CBFA2T2: variants seen among roughly 807,000 people sequenced by gnomAD.
The protein encoded by CBFA2T2 is protein CBFA2T2.
Under a neutral mutation model 62.2 loss-of-function variants are expected in CBFA2T2, and 11 were observed. That is an observed-to-expected ratio of 0.18 (90% CI 0.11 to 0.29). CBFA2T2 has a LOEUF of 0.29. Ranked by LOEUF, CBFA2T2 falls within the 10% of genes least tolerant of loss-of-function variation. CBFA2T2 has a pLI of 1.00. For synonymous variants in CBFA2T2, 295 were observed against 287.5 expected (o/e 1.03, Z -0.27); for missense variants, 592 against 774.1 (o/e 0.76, Z 2.79).
In CBFA2T2 at chr20:33,644,794, A is replaced by C. The variant is rs1601130101; in HGVS notation, c.*148A>C. 1 of 783,916 alleles carries C rather than the reference A, an allele frequency of 1.3e-6. No homozygotes were observed. The allele number at this position is 783,916 out of a possible 1,614,324, so 48.6% of individuals were successfully genotyped here. A position where few individuals can be genotyped will look rare whatever the true frequency, so the allele number is the denominator to read the frequency against. ...GAAGAGTCCAAGCCTGAATAATAAC[A>C]CCCCACAGCCTCTCTGTGCACTTGC... is the stretch of plus-strand genomic sequence containing the variant. On this transcript the variant is annotated 3_prime_UTR_variant, in exon 11 of 11. Coordinates refer to ENST00000342704, the MANE Select transcript of CBFA2T2 (RefSeq NM_001032999.3).
chr20:33,622,977 A>C, intron 4 of CBFA2T2, 138 bp from the exon 5 acceptor site: 1 of 728,846 alleles, frequency 1.4e-6, no homozygotes, highest in Non-Finnish European at 2.3e-6. Flanking sequence ...ATTGACTCAC[A>C]GAAGAAGCAT....
chr20:33,557,618 C>G (rs1392888511), intron 1 of CBFA2T2, among the ~76,000 whole-genome samples: 1 of 151,822 alleles, frequency 6.6e-6, no homozygotes, highest in African/African-American at 2.4e-5. Flanking sequence ...GCAATACTCC[C>G]ACCTCAGCCT....
intron 1 of CBFA2T2, among the ~76,000 whole-genome samples, chr20:33,541,777 T>C (rs770515230): frequency 2.0e-4 from 30 of 152,226 alleles, no homozygotes; most frequent in Non-Finnish European, 3.7e-4. Context: ...TTTTGGTACT[T>C]TTTACTTGTT....
chr20:33,566,467 G>C (rs1239862690), intron 1 of CBFA2T2, among the ~76,000 whole-genome samples: 1 of 152,004 alleles, frequency 6.6e-6, no homozygotes, highest in African/African-American at 2.4e-5. Context: ...TTAGCCGGGC[G>C]TGGTGACATG....
intron 1 of CBFA2T2, among the ~76,000 whole-genome samples, chr20:33,596,658 C>T (rs930528746): frequency 3.9e-5 from 6 of 152,160 alleles, no homozygotes; most frequent in Admixed American, 3.9e-4. Flanking sequence ...CTCAGGCTTT[C>T]CGTAGAATCT....
At chr20:33,579,652 C>G (rs1245276343) in intron 1 of CBFA2T2, among the ~76,000 whole-genome samples, 1 of 142,444 alleles carries the variant, frequency 7.0e-6, no homozygotes, top group Non-Finnish European at 1.5e-5. Context: ...ATAGACTTTT[C>G]TTTCCCCATT....
chr20:33,602,072 G>A (rs1316803849), intron 1 of CBFA2T2, among the ~76,000 whole-genome samples: 8 of 152,044 alleles, frequency 5.3e-5, no homozygotes, highest in Non-Finnish European at 1.2e-4. Context: ...CCCGTCTCAA[G>A]GTGGTTTGGA....
At chr20:33,553,040 T>TATATATATATAATATATAA (rs1375074248) in intron 1 of CBFA2T2, among the ~76,000 whole-genome samples, 1 of 152,194 alleles carries the variant, frequency 6.6e-6, no homozygotes, top group African/African-American at 2.4e-5. Context: ...TTTATAGCAC[T>TATATATATATAATATATAA]TAGTATATAT....
intron 1 of CBFA2T2, among the ~76,000 whole-genome samples, chr20:33,499,745 A>G (rs972708681): frequency 2.0e-5 from 3 of 152,164 alleles, no homozygotes; most frequent in African/African-American, 7.2e-5. Context: ...TTAATTATAG[A>G]TCAAACTTGG....
chr20:33,528,205 C>T (rs533225385), intron 1 of CBFA2T2, among the ~76,000 whole-genome samples: 4 of 152,310 alleles, frequency 2.6e-5, no homozygotes, highest in African/African-American at 9.6e-5. Flanking sequence ...AAGTTTACTT[C>T]TCTCAGATCT....
chr20:33,588,741 G>A lies in CBFA2T2; in HGVS notation c.35-18215G>A, dbSNP rs138309246. On this transcript the variant is annotated intron_variant, in intron 1 of 10. Transcript: ENST00000342704. ...CCAGGTGTATCACTTGAGGTCAAGAGTTCGAGACCAGCTTGACCAACATGA... is the reference window on the plus strand; with the variant it reads ...CCAGGTGTATCACTTGAGGTCAAGAATTCGAGACCAGCTTGACCAACATGA... 2.0e-4 allele frequency among the ~76,000 whole-genome samples: 30 copies of A among 152,238 alleles called. No homozygotes were observed. The East Asian group carries it at 5.4e-3, about 27-fold the overall frequency.
rs993728043 is a variant in CBFA2T2 at position 33,636,570 on chromosome 20, A to G, written c.1229-70A>G. 6 of 1,181,308 alleles carry G rather than the reference A, an allele frequency of 5.1e-6. No homozygotes were observed. The African/African-American group carries it at 9.1e-5, about 18-fold the overall frequency. 73.2% of individuals were successfully genotyped at this position (1,181,308 alleles called of 1,614,324 possible). A position where few individuals can be genotyped will look rare whatever the true frequency, so the allele number is the denominator to read the frequency against. On this transcript the variant is annotated intron_variant, in intron 8 of 10. Coordinates refer to ENST00000342704, the MANE Select transcript of CBFA2T2 (RefSeq NM_001032999.3). Reference sequence around the variant, plus strand: ...TTTGAGTCTAAGTGGTGAATGAGAAATCTGATCAAAAATAAAACTGCTGAT... The same window carrying G: ...TTTGAGTCTAAGTGGTGAATGAGAAGTCTGATCAAAAATAAAACTGCTGAT...
intron 2 of CBFA2T2, among the ~76,000 whole-genome samples, chr20:33,608,085 C>T (rs1356429869): frequency 6.6e-6 from 1 of 152,204 alleles, no homozygotes; most frequent in East Asian, 1.9e-4. Context: ...GCAGTTTGCA[C>T]TAATGCTGAA....
chr20:33,619,548 G>C lies in CBFA2T2; in HGVS notation c.452G>C (p.Cys151Ser). Reference protein sequence around the residue: ...NSTVTIEEFHCKLQEATNFPL... With the variant: ...NSTVTIEEFHSKLQEATNFPL... The stretch of plus-strand genomic sequence containing the variant: ...ACAGTGACAATTGAGGAATTCCACT[G>C]TAAGCTCCAAGAAGCCACAAACTTT... Residue 151 changes from cysteine (C) to serine (S), a missense_variant, in exon 4 of 11, where the codon TGT becomes TCT. Coordinates refer to ENST00000342704, the MANE Select transcript of CBFA2T2 (RefSeq NM_001032999.3). 1 of 1,608,008 alleles carries C rather than the reference G, an allele frequency of 6.2e-7. No homozygotes were observed. Among genetic ancestry groups the C allele is most frequent in the Non-Finnish European group, 8.5e-7 (1 of 1,177,538 alleles).
At chr20:33,640,266 C>T in intron 9 of CBFA2T2, 75 bp from the exon 10 acceptor site, 2 of 1,346,662 alleles carry the variant, frequency 1.5e-6, no homozygotes, top group Non-Finnish European at 2.1e-6. Context: ...TCAGCTCTCT[C>T]CTTACTTAGA....
chr20:33,555,315 A>G (rs941235534), intron 1 of CBFA2T2, among the ~76,000 whole-genome samples: 4 of 152,144 alleles, frequency 2.6e-5, no homozygotes, highest in African/African-American at 9.7e-5. Context: ...TCATCATCAG[A>G]GTAAGAAACC....
At chr20:33,496,394 C>T (rs2011199440) in intron 1 of CBFA2T2, among the ~76,000 whole-genome samples, 1 of 152,240 alleles carries the variant, frequency 6.6e-6, no homozygotes, top group Non-Finnish European at 1.5e-5. Context: ...CTCTCTGGCA[C>T]ATACCTCATT....
intron 1 of CBFA2T2, among the ~76,000 whole-genome samples, chr20:33,521,954 CTG>C (rs1568798438): frequency 6.6e-6 from 1 of 151,864 alleles, no homozygotes; most frequent in East Asian, 1.9e-4. Context: ...GTTAACTTCT[CTG>C]AGAGAGTTCC....
At chr20:33,525,768 C>G (rs918857312) in intron 1 of CBFA2T2, among the ~76,000 whole-genome samples, 1 of 152,156 alleles carries the variant, frequency 6.6e-6, no homozygotes, top group South Asian at 2.1e-4. Flanking sequence ...TCTCCCACTA[C>G]AGCCTCCCAA....
Sources: gnomAD v4.1 joint callset for allele counts (sites outside exome capture counted in the v4.1 genomes callset) on GRCh38, gnomAD v4.1.1 for gene constraint, MANE v1.5 for transcripts, NCBI Gene and HGNC (gene_info 2026-07-23, HGNC 2026-07-21) for gene names.